Variants in DYNC1I1 observed in about 807,000 individuals in gnomAD.
DYNC1I1 encodes the protein cytoplasmic dynein 1 intermediate chain 1.
Under a neutral mutation model 86.6 loss-of-function variants are expected in DYNC1I1, and 43 were observed. The observed-to-expected ratio is 0.50, with a 90% CI of 0.39 to 0.64. The LOEUF is 0.64. Among genes scored for constraint, DYNC1I1 ranks in the 30% least tolerant of loss-of-function variants. The pLI is 0.00. For missense variants in DYNC1I1, 604 were observed against 788.8 expected, an observed-to-expected ratio of 0.77 and a Z score of 2.81; for synonymous variants, 262 against 283.7, an observed-to-expected ratio of 0.92 and a Z score of 0.77.
intron 14 of DYNC1I1, among the ~76,000 whole-genome samples, chr7:96,074,626 T>C (rs1790277255): frequency 6.6e-6 from 1 of 150,854 alleles, no homozygotes. Context: ...ATACAGTCCA[T>C]AGAAAGAGAA....
chr7:95,782,431 T>C (rs1393504955), intron 1 of DYNC1I1, among the ~76,000 whole-genome samples: 1 of 152,226 alleles, frequency 6.6e-6, no homozygotes, highest in Admixed American at 6.5e-5. Context: ...GAGAGTTCCC[T>C]GAGCCATTTG....
chr7:96,081,079 A>AAAAAAG (rs375715304), intron 16 of DYNC1I1, among the ~76,000 whole-genome samples: 5 of 133,680 alleles, frequency 3.7e-5, no homozygotes, highest in East Asian at 2.2e-4. Flanking sequence ...AAAAAAAAAG[A>AAAAAAG]AAAAGAAAAG....
chr7:95,783,785 T>C (rs1053185296), intron 1 of DYNC1I1, among the ~76,000 whole-genome samples: 1 of 152,208 alleles, frequency 6.6e-6, no homozygotes. Flanking sequence ...CCTCTGGAAA[T>C]AAGATTCGAA....
At chr7:95,812,984 T>C (rs1794862760) in intron 3 of DYNC1I1, among the ~76,000 whole-genome samples, 1 of 152,170 alleles carries the variant, frequency 6.6e-6, no homozygotes, top group African/African-American at 2.4e-5. Context: ...CATTTTACTT[T>C]GTTAGGGTGG....
At chr7:95,941,068 G>C (rs1318184344) in intron 6 of DYNC1I1, among the ~76,000 whole-genome samples, 1 of 152,230 alleles carries the variant, frequency 6.6e-6, no homozygotes, top group Admixed American at 6.5e-5. Flanking sequence ...GTCCACTCCA[G>C]ACACTGTTTG....
chr7:96,039,397 G>T lies in DYNC1I1; in HGVS notation c.1485G>T (p.Trp495Cys). ...SHLFVTSSFD[W>C]TVKLWTTKHN... ...TGTTTGTCACATCATCATTTGACTG[G>T]ACTGTCAAACTGTGGACCACCAAGG... Residue 495 changes from tryptophan (W) to cysteine (C), a missense_variant, in exon 14 of 17, where the codon TGG (tryptophan) becomes TGT (cysteine). Trp to Cys is a radical substitution (Grantham distance 215). Transcript: ENST00000447467. The T allele has an allele frequency of 6.2e-7, 1 of 1,613,998 alleles. No homozygotes were observed. The highest frequency in any genetic ancestry group is 8.5e-7 in the Non-Finnish European group (1 of 1,179,944).
chr7:95,988,732 A>G (rs1289921846), intron 9 of DYNC1I1, among the ~76,000 whole-genome samples: 1 of 152,202 alleles, frequency 6.6e-6, no homozygotes, highest in East Asian at 1.9e-4. Flanking sequence ...TCTTGTTGTC[A>G]ATGCTTTTAT....
At chr7:96,012,055 G>C (rs1415703659) in intron 10 of DYNC1I1, among the ~76,000 whole-genome samples, 1 of 152,162 alleles carries the variant, frequency 6.6e-6, no homozygotes, top group Non-Finnish European at 1.5e-5. Flanking sequence ...TATCTGCGTT[G>C]GTGGGAGGAG....
chr7:96,098,695 A>G (rs1791081574), downstream of DYNC1I1, among the ~76,000 whole-genome samples: 1 of 152,226 alleles, frequency 6.6e-6, no homozygotes, highest in Non-Finnish European at 1.5e-5. Flanking sequence ...GTAGGTTAAG[A>G]CGAACAAATA....
At chr7:95,995,871 C>T (rs894659330) in intron 9 of DYNC1I1, 77 bp from the exon 10 acceptor site, 35 of 1,521,866 alleles carry the variant, frequency 2.3e-5, no homozygotes, top group Admixed American at 6.5e-5. Context: ...TAGTATACCA[C>T]GTGTATGTAG....
At chr7:95,923,707 A>G (rs1791669984) in intron 6 of DYNC1I1, among the ~76,000 whole-genome samples, 1 of 152,178 alleles carries the variant, frequency 6.6e-6, no homozygotes, top group Non-Finnish European at 1.5e-5. Context: ...GTTGATTGGA[A>G]AGCAATTTAA....
intron 16 of DYNC1I1, among the ~76,000 whole-genome samples, chr7:96,087,645 C>T (rs1790720923): frequency 1.3e-5 from 2 of 152,212 alleles, no homozygotes; most frequent in African/African-American, 4.8e-5. Context: ...TGATACCAAA[C>T]ATCCAGATAA....
chr7:95,831,164 T>C (rs1788883347), intron 5 of DYNC1I1, among the ~76,000 whole-genome samples: 1 of 152,228 alleles, frequency 6.6e-6, no homozygotes, highest in Non-Finnish European at 1.5e-5. Flanking sequence ...TCTCTCAGTC[T>C]ATGACCTGTC....
chr7:95,874,367 A>T (rs1009812763), intron 6 of DYNC1I1, among the ~76,000 whole-genome samples: 1 of 152,242 alleles, frequency 6.6e-6, no homozygotes, highest in African/African-American at 2.4e-5. Flanking sequence ...GACAATAGAA[A>T]CTAACTCTAA....
intron 6 of DYNC1I1, among the ~76,000 whole-genome samples, chr7:95,970,031 T>C (rs760608628): frequency 5.9e-5 from 9 of 152,220 alleles, no homozygotes; most frequent in Non-Finnish European, 8.8e-5. Context: ...CAGTGGTGCA[T>C]GTTATACTTT....
intron 2 of DYNC1I1, among the ~76,000 whole-genome samples, chr7:95,807,238 T>C (rs1370674630): frequency 1.3e-5 from 2 of 152,010 alleles, no homozygotes; most frequent in Non-Finnish European, 2.9e-5. Context: ...TTTCATGGGG[T>C]TGGAGCATTT....
chr7:95,823,462 G>C (rs1337541096), intron 4 of DYNC1I1, among the ~76,000 whole-genome samples: 4 of 152,190 alleles, frequency 2.6e-5, no homozygotes, highest in Non-Finnish European at 5.9e-5. Context: ...AACTGTGCCA[G>C]TCTCTGAGCA....
At chr7:95,993,595 T>G (rs1793783889) in intron 9 of DYNC1I1, among the ~76,000 whole-genome samples, 2 of 152,180 alleles carry the variant, frequency 1.3e-5, no homozygotes, top group African/African-American at 2.4e-5. Context: ...AGGCCTTTGA[T>G]TCATCCGCTG....
chr7:96,044,945 G>C (rs1053429358), intron 14 of DYNC1I1, among the ~76,000 whole-genome samples: 2 of 152,138 alleles, frequency 1.3e-5, no homozygotes, highest in Admixed American at 1.3e-4. Flanking sequence ...TCCAAGAAAG[G>C]GCAGCAGTGG....
Sources: allele counts gnomAD v4.1 joint callset (sites outside exome capture counted in the v4.1 genomes callset), GRCh38; gene constraint gnomAD v4.1.1; transcripts MANE v1.5; gene names NCBI Gene and HGNC (gene_info 2026-07-23, HGNC 2026-07-21).